The following MIS18A variants were observed in gnomAD, a reference collection of about 807,000 sequenced individuals.
MIS18A encodes the protein protein Mis18-alpha.
Under a neutral mutation model 25.0 loss-of-function variants are expected in MIS18A, and 14 were observed. The ratio of observed to expected loss-of-function variants is 0.56; its 90% confidence interval spans 0.37 to 0.88. The LOEUF (loss-of-function observed/expected upper bound fraction) is 0.88, where lower values mean the gene tolerates loss of function less well. Ranked by LOEUF, MIS18A falls within the 40% of genes least tolerant of loss-of-function variation. The pLI is 0.00. For missense variants in MIS18A, 292 were observed against 290.8 expected (o/e 1.00, Z -0.03); for synonymous variants, 134 against 118.6 (o/e 1.13, Z -0.84).
chr21:32,202,942 T>C, the MIS18A span, among the ~76,000 whole-genome samples: 1 of 152,220 alleles, frequency 6.6e-6, no homozygotes, highest in Admixed American at 6.5e-5. Flanking sequence ...TGAACTTGAC[T>C]ATACAAATAT....
At chr21:32,219,004 G>A in the MIS18A span, among the ~76,000 whole-genome samples, 1 of 150,866 alleles carries the variant, frequency 6.6e-6, no homozygotes. Flanking sequence ...GGAGGCAGAG[G>A]TTGCAATGAG....
At chr21:32,232,393 T>TATATATCTTTATATTAC in the MIS18A span, among the ~76,000 whole-genome samples, 1 of 150,856 alleles carries the variant, frequency 6.6e-6, no homozygotes, top group Non-Finnish European at 1.5e-5. Flanking sequence ...AGATACACAT[T>TATATATCTTTATATTAC]ATATATCTTT....
the MIS18A span, among the ~76,000 whole-genome samples, chr21:32,191,913 GAGAAAGAAGGAA>G: frequency 6.6e-6 from 1 of 151,684 alleles, no homozygotes; most frequent in Non-Finnish European, 1.5e-5. Context: ...CTCAAAAAAA[GAGAAAGAAGGAA>G]AGAAAGAAGA....
chr21:32,168,982 A>G, the MIS18A span, among the ~76,000 whole-genome samples: 1 of 152,186 alleles, frequency 6.6e-6, no homozygotes, highest in African/African-American at 2.4e-5. Flanking sequence ...CCACTCCTCC[A>G]TAAAAGCGCA....
chr21:32,272,282 A>G (rs987722547), intron 2 of MIS18A, among the ~76,000 whole-genome samples: 3 of 152,238 alleles, frequency 2.0e-5, no homozygotes, highest in Admixed American at 6.5e-5. Context: ...CACCTTCACA[A>G]CATATTTCTA....
the MIS18A span, among the ~76,000 whole-genome samples, chr21:32,216,761 C>T: frequency 6.6e-6 from 1 of 152,208 alleles, no homozygotes; most frequent in Admixed American, 6.5e-5. Flanking sequence ...TTTTTAACTT[C>T]TTGACTGAAT....
chr21:32,265,216 C>T (rs573913750), downstream of MIS18A, among the ~76,000 whole-genome samples: 8 of 152,346 alleles, frequency 5.3e-5, no homozygotes, highest in East Asian at 1.5e-3. Context: ...CCTGCCTGGG[C>T]TCCCACTTTG....
the MIS18A span, among the ~76,000 whole-genome samples, chr21:32,176,354 G>C: frequency 6.6e-6 from 1 of 152,146 alleles, no homozygotes; most frequent in Non-Finnish European, 1.5e-5. Flanking sequence ...CTAGGTGATA[G>C]GGTTTTTTCA....
the MIS18A span, among the ~76,000 whole-genome samples, chr21:32,227,278 A>G: frequency 6.6e-6 from 1 of 152,086 alleles, no homozygotes; most frequent in Admixed American, 6.5e-5. Context: ...AAAAAGTAGA[A>G]GTTGATAAGA....
At chr21:32,217,616 C>T in the MIS18A span, among the ~76,000 whole-genome samples, 5 of 152,142 alleles carry the variant, frequency 3.3e-5, no homozygotes, top group African/African-American at 1.2e-4. Context: ...ATCCAACTAG[C>T]TCAACAACCT....
the MIS18A span, among the ~76,000 whole-genome samples, chr21:32,192,019 A>G: frequency 9.7e-4 from 148 of 152,316 alleles, no homozygotes; most frequent in African/African-American, 3.5e-3. Flanking sequence ...AGGTGACACA[A>G]ATGTTTGGAG....
the MIS18A span, among the ~76,000 whole-genome samples, chr21:32,180,174 C>G: frequency 1.3e-5 from 2 of 152,214 alleles, no homozygotes; most frequent in Non-Finnish European, 2.9e-5. Flanking sequence ...ACTTCATATA[C>G]AGACTCACCT....
chr21:32,270,263 A>C, intron 3 of MIS18A, 144 bp downstream of exon 3: 2 of 316,218 alleles, frequency 6.3e-6, no homozygotes, highest in Non-Finnish European at 8.1e-6. Flanking sequence ...AGGTCAAAGC[A>C]AAAAAAAAAA....
chr21:32,224,254 C>G, the MIS18A span, among the ~76,000 whole-genome samples: 1 of 149,338 alleles, frequency 6.7e-6, no homozygotes, highest in African/African-American at 2.5e-5. Context: ...TCCTATTCAA[C>G]ATAGTGTTGG....
chr21:32,163,097 G>T, the MIS18A span, among the ~76,000 whole-genome samples: 4 of 152,316 alleles, frequency 2.6e-5, no homozygotes, highest in East Asian at 7.7e-4. Context: ...CATCAGCTCT[G>T]TATAGAAGAA....
the MIS18A span, among the ~76,000 whole-genome samples, chr21:32,172,373 A>G: frequency 6.6e-6 from 1 of 152,112 alleles, no homozygotes; most frequent in Non-Finnish European, 1.5e-5. Flanking sequence ...CACAATAGCC[A>G]AGATATGGTA....
chr21:32,233,517 C>A, the MIS18A span, among the ~76,000 whole-genome samples: 1 of 152,188 alleles, frequency 6.6e-6, no homozygotes, highest in Non-Finnish European at 1.5e-5. Context: ...AGCTGAAGCA[C>A]AGAGAATAAA....
chr21:32,235,823 T>C, the MIS18A span, among the ~76,000 whole-genome samples: 1 of 151,966 alleles, frequency 6.6e-6, no homozygotes, highest in Non-Finnish European at 1.5e-5. Context: ...GGGAAGGACA[T>C]CTGCAGGATA....
chr21:32,266,762 G>A (rs1235120614), downstream of MIS18A, among the ~76,000 whole-genome samples: 5 of 152,060 alleles, frequency 3.3e-5, no homozygotes, highest in East Asian at 3.9e-4. Flanking sequence ...GCGAGAGTCC[G>A]CGGCTTCATT....
Sources: gnomAD v4.1 joint callset for allele counts (sites outside exome capture counted in the v4.1 genomes callset) on GRCh38, gnomAD v4.1.1 for gene constraint, MANE v1.5 for transcripts, NCBI Gene and HGNC (gene_info 2026-07-23, HGNC 2026-07-21) for gene names.